The following TMEM132C variants were observed in gnomAD, a reference collection of about 807,000 sequenced individuals.
The protein encoded by TMEM132C is transmembrane protein 132C.
In TMEM132C, 29 loss-of-function variants were observed where a neutral mutation model predicts 61.4. The observed-to-expected ratio is 0.47, with a 90% CI of 0.35 to 0.64. The LOEUF (loss-of-function observed/expected upper bound fraction) is 0.64. Among genes scored for constraint, TMEM132C ranks in the 30% least tolerant of loss-of-function variants. The probability of loss-of-function intolerance (pLI) is 0.00; values close to 1 mark genes in which losing one functional copy is unlikely to be tolerated. For synonymous variants in TMEM132C, 656 were observed against 633.1 expected, an observed-to-expected ratio of 1.04 and a Z score of -0.54; for missense variants, 1,408 against 1,476.9, an observed-to-expected ratio of 0.95 and a Z score of 0.76.
intron 4 of TMEM132C, among the ~76,000 whole-genome samples, chr12:128,631,023 C>T (rs1224925197): frequency 3.9e-5 from 6 of 152,140 alleles, no homozygotes; most frequent in Non-Finnish European, 7.4e-5. Context: ...CAGAGTGAGA[C>T]TGTCTCAAAA....
chr12:128,532,320 T>C lies in TMEM132C; in HGVS notation c.975-11637T>C, dbSNP rs367797932. ...ACTATATATGCAATAATAAAAACTT[T>C]AGACAACAATAACTTTTCTAAAGAA... On this transcript the variant is annotated intron_variant, in intron 2 of 8. Coordinates refer to ENST00000435159, the MANE Select transcript of TMEM132C (RefSeq NM_001136103.3). Among the ~76,000 whole-genome samples, 118 of 152,024 alleles carry C rather than the reference T, an allele frequency of 7.8e-4. No individual in the cohort carries two copies. In the Middle Eastern group the frequency reaches 0.014, roughly 18 times the overall value.
intron 5 of TMEM132C, among the ~76,000 whole-genome samples, chr12:128,684,518 C>T (rs1271472898): frequency 6.6e-6 from 1 of 152,236 alleles, no homozygotes; most frequent in Non-Finnish European, 1.5e-5. Context: ...CTTCCTCCTC[C>T]CCAAGCTGGG....
At chr12:128,513,440 C>T (rs1872627100) in intron 2 of TMEM132C, among the ~76,000 whole-genome samples, 1 of 152,134 alleles carries the variant, frequency 6.6e-6, no homozygotes, top group African/African-American at 2.4e-5. Context: ...CTTTGCCCTG[C>T]CCTCGTCAGG....
In TMEM132C at chr12:128,542,533, T is replaced by C. The variant is rs117692304; in HGVS notation, c.975-1424T>C. On this transcript the variant is annotated intron_variant, in intron 2 of 8. Coordinates refer to ENST00000435159, the MANE Select transcript of TMEM132C (RefSeq NM_001136103.3). ...GTTGGCCAAGCTAATCTCCAACTCC[T>C]GAGCTCAAGTGATCTGCCCAGCTCA... is the stretch of plus-strand genomic sequence containing the variant. 7.8e-4 allele frequency among the ~76,000 whole-genome samples: 119 copies of C among 152,252 alleles called. 2 individuals carry two copies. The East Asian group carries it at 0.018, about 23-fold the overall frequency.
At chr12:128,454,564 T>C (rs1185099421) in intron 2 of TMEM132C, among the ~76,000 whole-genome samples, 4 of 152,238 alleles carry the variant, frequency 2.6e-5, no homozygotes, top group African/African-American at 7.2e-5. Flanking sequence ...CAATTCTCAC[T>C]TGGGGTCTCC....
chr12:128,583,336 T>TG (rs1378917810), intron 3 of TMEM132C, among the ~76,000 whole-genome samples: 1 of 150,708 alleles, frequency 6.6e-6, no homozygotes, highest in Non-Finnish European at 1.5e-5. Context: ...TGCAATGCAC[T>TG]GGGGGGAATT....
At chr12:128,619,181 A>G (rs952452955) in intron 4 of TMEM132C, among the ~76,000 whole-genome samples, 1 of 152,228 alleles carries the variant, frequency 6.6e-6, no homozygotes, top group Non-Finnish European at 1.5e-5. Context: ...CTTTGAACCA[A>G]TTAAGCATAT....
Position 128,414,727 on chromosome 12 carries a change from T to C in TMEM132C, c.86-5T>C, listed in dbSNP as rs1242950008. 1 of 1,505,656 alleles carries C rather than the reference T, an allele frequency of 6.6e-7. No individual in the cohort carries two copies. The highest frequency in any genetic ancestry group is 8.8e-7 in the Non-Finnish European group (1 of 1,130,880). The allele number at this position is 1,505,656 out of a possible 1,614,324, so 93.3% of individuals were successfully genotyped here. A position where few individuals can be genotyped will look rare whatever the true frequency, so the allele number is the denominator to read the frequency against. ...TTTTTCTTTTCTTTCTTTTTCCCTT[T>C]TTAGTGATAGAGGGTCACGGGGTCA... On this transcript the variant is annotated splice_region_variant and splice_polypyrimidine_tract_variant and intron_variant, in intron 1 of 8. Coordinates refer to ENST00000435159, the MANE Select transcript of TMEM132C (RefSeq NM_001136103.3).
At chr12:128,664,150 A>G (rs1593139974) in intron 4 of TMEM132C, among the ~76,000 whole-genome samples, 2 of 132,154 alleles carry the variant, frequency 1.5e-5, no homozygotes, top group South Asian at 2.3e-4. Context: ...AGGCACACAC[A>G]CATGCGCACA....
rs544946584 is a variant in TMEM132C, at chr12:128,270,598, G to C, written c.85+3111G>C. On this transcript the variant is annotated intron_variant, in intron 1 of 8. Transcript: ENST00000435159. ...ATGAGAAATAGGATCCTCCTAGGAT[G>C]TCATCAGGGTGGAGAAGCCCCTCTC... is the stretch of plus-strand genomic sequence containing the variant. Among the ~76,000 whole-genome samples the C allele has an allele frequency of 4.1e-4, 63 of 152,320 alleles. 2 individuals carry two copies. The highest frequency in any genetic ancestry group is 6.8e-3 in the Middle Eastern group (2 of 294).
intron 2 of TMEM132C, among the ~76,000 whole-genome samples, chr12:128,504,481 C>T (rs1241434542): frequency 6.6e-6 from 1 of 152,186 alleles, no homozygotes; most frequent in African/African-American, 2.4e-5. Context: ...AAGATGATAC[C>T]ATAGTCTGGG....
intron 4 of TMEM132C, among the ~76,000 whole-genome samples, chr12:128,636,947 T>C (rs1216513890): frequency 6.6e-6 from 1 of 152,198 alleles, no homozygotes; most frequent in African/African-American, 2.4e-5. Flanking sequence ...GAGTTCCTTC[T>C]TTATGACTGA....
Position 128,542,260 on chromosome 12 carries a change from G to A in TMEM132C, c.975-1697G>A, listed in dbSNP as rs546704692. Among the ~76,000 whole-genome samples the A allele has an allele frequency of 5.9e-5, 9 of 152,034 alleles. No individual in the cohort carries two copies. The South Asian group carries it at 1.0e-3, about 18-fold the overall frequency. On this transcript the variant is annotated intron_variant, in intron 2 of 8. Coordinates refer to ENST00000435159, the MANE Select transcript of TMEM132C (RefSeq NM_001136103.3). ...TCCAGTTTCCCAAATCTGTTGCTGC[G>A]GCTGCATTTCCTCTTCCGGTCATGG...
chr12:128,377,392 G>A (rs771910523), intron 1 of TMEM132C, among the ~76,000 whole-genome samples: 14 of 152,104 alleles, frequency 9.2e-5, no homozygotes, highest in Non-Finnish European at 1.8e-4. Context: ...CTCTGTTTTT[G>A]CCTCAGCGGG....
chr12:128,424,486 C>T (rs1027725668), intron 2 of TMEM132C, among the ~76,000 whole-genome samples: 30 of 148,612 alleles, frequency 2.0e-4, no homozygotes, highest in African/African-American at 6.2e-4. Flanking sequence ...CAAAAAGTCA[C>T]GTAATACATG....
chr12:128,483,417 G>A (rs1182351106), intron 2 of TMEM132C, among the ~76,000 whole-genome samples: 1 of 149,906 alleles, frequency 6.7e-6, no homozygotes, highest in African/African-American at 2.4e-5. Context: ...GTCACTGAGG[G>A]GCTCCAGGGC....
rs772257071 is a variant in TMEM132C, at chr12:128,616,276, G to A, written c.1246G>A (p.Ala416Thr). 1.3e-5 allele frequency: 20 copies of A among 1,551,724 alleles called. No individual in the cohort carries two copies. The highest frequency in any genetic ancestry group is 4.9e-5 in the East Asian group (2 of 40,920). The change falls in exon 4 of 9, where the codon GCC (alanine) becomes ACC (threonine). Residue 416 changes from alanine (A) to threonine (T), a missense_variant. By Grantham distance (58) the Ala-to-Thr change is moderately conservative. Coordinates refer to ENST00000435159, the MANE Select transcript of TMEM132C (RefSeq NM_001136103.3). ...EYPRKGTTDI[A>T]VSEIFVSQKD... is the part of the protein sequence containing the mutation. ...CCCACGGAAGGGGACCACAGACATC[G>A]CCGTGTCCGAGATCTTTGTCAGCCA...
At chr12:128,489,233 A>G (rs1240220411) in intron 2 of TMEM132C, among the ~76,000 whole-genome samples, 1 of 152,102 alleles carries the variant, frequency 6.6e-6, no homozygotes, top group Non-Finnish European at 1.5e-5. Context: ...AAGGGCAGGT[A>G]TTCACACCAG....
At chr12:128,354,029 A>G (rs1471640442) in intron 1 of TMEM132C, among the ~76,000 whole-genome samples, 4 of 152,348 alleles carry the variant, frequency 2.6e-5, no homozygotes, top group Admixed American at 2.6e-4. Flanking sequence ...TAAAGGGTCG[A>G]TGAAGAAGAG....
Sources: gnomAD v4.1 joint callset for allele counts (sites outside exome capture counted in the v4.1 genomes callset) on GRCh38, gnomAD v4.1.1 for gene constraint, MANE v1.5 for transcripts, NCBI Gene and HGNC (gene_info 2026-07-23, HGNC 2026-07-21) for gene names.